CSMD1: variants seen among roughly 807,000 people sequenced by gnomAD.
CSMD1 encodes CUB and Sushi multiple domains 1.
A neutral mutation model predicts 417.5 loss-of-function variants in CSMD1; 213 were observed. The observed-to-expected ratio is 0.51, with a 90% CI of 0.46 to 0.57. CSMD1 has a LOEUF of 0.57. Ranked by LOEUF, CSMD1 falls within the 20% of genes least tolerant of loss-of-function variation. The pLI, the probability that CSMD1 is intolerant of heterozygous loss-of-function variation, is 0.00. For missense variants in CSMD1, 6,923 were observed against 4,529.7 expected, an observed-to-expected ratio of 1.53 and a Z score of -15.17; for synonymous variants, 2,862 against 1,736.8, an observed-to-expected ratio of 1.65 and a Z score of -16.11.
At chr8:3,376,004 ACTT>A (rs982133262) in intron 18 of CSMD1, among the ~76,000 whole-genome samples, 7 of 151,998 alleles carry the variant, frequency 4.6e-5, no homozygotes, top group African/African-American at 1.7e-4. Flanking sequence ...TTTTTCTCCA[ACTT>A]CTTTATCCTC....
At chr8:3,857,405 G>C (rs150155795) in intron 5 of CSMD1, among the ~76,000 whole-genome samples, 188 of 152,260 alleles carry the variant, frequency 1.2e-3, no homozygotes, top group Non-Finnish European at 2.2e-3. Flanking sequence ...GGAATAACAA[G>C]TGAAAAACAA....
At chr8:3,099,973 T>C (rs758416903) in intron 46 of CSMD1, among the ~76,000 whole-genome samples, 47 of 152,232 alleles carry the variant, frequency 3.1e-4, no homozygotes, top group Admixed American at 7.2e-4. Flanking sequence ...TTAGCAATAC[T>C]TTTTTCAGTC....
intron 3 of CSMD1, among the ~76,000 whole-genome samples, chr8:4,244,552 G>C (rs192095133): frequency 6.6e-6 from 1 of 152,036 alleles, no homozygotes; most frequent in African/African-American, 2.4e-5. Flanking sequence ...TTCTTATCAG[G>C]TTTAATGGGA....
At chr8:4,819,992 G>A (rs1018469399) in intron 1 of CSMD1, among the ~76,000 whole-genome samples, 3 of 152,126 alleles carry the variant, frequency 2.0e-5, no homozygotes, top group Non-Finnish European at 4.4e-5. Flanking sequence ...GTAAACCTAT[G>A]TAATTGTTCT....
chr8:4,215,210 C>T (rs1039078510), intron 3 of CSMD1, among the ~76,000 whole-genome samples: 26 of 152,282 alleles, frequency 1.7e-4, no homozygotes, highest in East Asian at 5.8e-4. Context: ...TAACCAGCTG[C>T]GACCTCTAGG....
chr8:3,405,037 C>T lies in CSMD1; in HGVS notation c.2266+990G>A, dbSNP rs371990727. On this transcript the variant is annotated intron_variant, in intron 15 of 69. Coordinates refer to ENST00000635120, the MANE Select transcript of CSMD1 (RefSeq NM_033225.6). The stretch of plus-strand genomic sequence containing the variant: ...AAGGACAAGAATAATTTTAAGAGTC[C>T]TACTAAGAATTTACACTACAATACC... Among the ~76,000 whole-genome samples the T allele has an allele frequency of 2.8e-4, 43 of 152,082 alleles. No homozygotes were observed. The Middle Eastern group carries it at 0.01, about 36-fold the overall frequency.
Position 4,426,889 on chromosome 8 carries a change from C to G in CSMD1, c.303-6824G>C, listed in dbSNP as rs900562096. ...CAAAAGTGGGAAGGGGTATTAGTAT[C>G]AGATGTCAGGTGTTTCAGCTTTTTA... On this transcript the variant is annotated intron_variant, in intron 2 of 69. Transcript: ENST00000635120. Among the ~76,000 whole-genome samples, 4 of 151,516 alleles carry G rather than the reference C, an allele frequency of 2.6e-5. No homozygotes were observed. The South Asian group carries it at 6.2e-4, about 24-fold the overall frequency.
chr8:3,546,632 A>C (rs1798676446), intron 10 of CSMD1, among the ~76,000 whole-genome samples: 1 of 150,614 alleles, frequency 6.6e-6, no homozygotes, highest in Admixed American at 6.6e-5. Context: ...CAAAATGATT[A>C]ACATTATAAA....
chr8:2,945,052 C>CT lies in CSMD1; in HGVS notation c.10403-2449dup, dbSNP rs200920609. 2.8e-3 allele frequency among the ~76,000 whole-genome samples: 420 copies of CT among 149,816 alleles called. 3 individuals are homozygous for CT. The highest frequency in any genetic ancestry group is 9.8e-3 in the African/African-American group (386 of 39,302). ...TGCAGCTCCTAGTTAATTTCAGTTA[C>CT]TTGCCTTGTTTTAATAATTTGAAGG... On this transcript the variant is annotated intron_variant, in intron 68 of 69. Transcript: ENST00000635120.
At chr8:3,644,914 G>C (rs1043677416) in intron 7 of CSMD1, among the ~76,000 whole-genome samples, 1 of 135,314 alleles carries the variant, frequency 7.4e-6, no homozygotes, top group Non-Finnish European at 1.5e-5. Flanking sequence ...TGGTAGAATT[G>C]CCCACATTTT....
intron 19 of CSMD1, among the ~76,000 whole-genome samples, chr8:3,368,274 C>G (rs1341554006): frequency 6.6e-6 from 1 of 152,146 alleles, no homozygotes; most frequent in Non-Finnish European, 1.5e-5. Flanking sequence ...AAGTCGGGTT[C>G]AAATCTATGT....
At chr8:3,336,100 T>TGAACCATG (rs1366309160) in intron 23 of CSMD1, among the ~76,000 whole-genome samples, 1 of 152,172 alleles carries the variant, frequency 6.6e-6, no homozygotes, top group Non-Finnish European at 1.5e-5. Context: ...CTATCCCTCC[T>TGAACCATG]GAACCATGGA....
chr8:3,041,143 T>G (rs1400611414), intron 50 of CSMD1, among the ~76,000 whole-genome samples: 1 of 152,170 alleles, frequency 6.6e-6, no homozygotes, highest in African/African-American at 2.4e-5. Context: ...TTGAATTACA[T>G]GAAATTGATG....
At chr8:3,755,716 C>A (rs1287751521) in intron 5 of CSMD1, among the ~76,000 whole-genome samples, 3 of 152,140 alleles carry the variant, frequency 2.0e-5, no homozygotes, top group Admixed American at 2.0e-4. Context: ...TTCCAACTCT[C>A]AGGTTTAAAA....
chr8:4,408,784 G>C (rs17070159), intron 3 of CSMD1, among the ~76,000 whole-genome samples: 3,677 of 152,116 alleles, frequency 0.024, 56 homozygotes, highest in Middle Eastern at 0.034. Context: ...CCATTTTTCT[G>C]GCTCCATTTA....
At chr8:3,490,547 A>G (rs1052241531) in intron 11 of CSMD1, among the ~76,000 whole-genome samples, 2 of 152,120 alleles carry the variant, frequency 1.3e-5, no homozygotes, top group Non-Finnish European at 2.9e-5. Context: ...TACATTTTTC[A>G]GCTCTCCGGA....
intron 2 of CSMD1, among the ~76,000 whole-genome samples, chr8:4,622,898 T>C (rs1271206535): frequency 1.3e-5 from 2 of 152,112 alleles, no homozygotes; most frequent in Non-Finnish European, 2.9e-5. Flanking sequence ...CTAAAATTAA[T>C]TGAATTTAGG....
intron 5 of CSMD1, among the ~76,000 whole-genome samples, chr8:3,793,711 T>C (rs1023913582): frequency 2.0e-5 from 3 of 152,180 alleles, no homozygotes; most frequent in Admixed American, 6.5e-5. Context: ...AATATGTTTA[T>C]TTGTGGTCTT....
At chr8:4,147,395 C>T (rs1250661657) in intron 3 of CSMD1, among the ~76,000 whole-genome samples, 1 of 152,114 alleles carries the variant, frequency 6.6e-6, no homozygotes, top group Non-Finnish European at 1.5e-5. Flanking sequence ...ACACTGCCTT[C>T]CCCACATGCT....
Sources: gnomAD v4.1 joint callset for allele counts (sites outside exome capture counted in the v4.1 genomes callset) on GRCh38, gnomAD v4.1.1 for gene constraint, MANE v1.5 for transcripts, NCBI Gene and HGNC (gene_info 2026-07-23, HGNC 2026-07-21) for gene names.